The following CBLN2 variants were observed in gnomAD, a reference collection of about 807,000 sequenced individuals.
CBLN2 encodes cerebellin 2 precursor.
In CBLN2, 7 loss-of-function variants were observed where a neutral mutation model predicts 15.0. The ratio of observed to expected loss-of-function variants is 0.47; its 90% confidence interval spans 0.27 to 0.88. CBLN2 has a LOEUF of 0.88. Among genes scored for constraint, CBLN2 ranks in the 40% least tolerant of loss-of-function variants. CBLN2 has a pLI of 0.14. For missense variants in CBLN2, 242 were observed against 304.5 expected (o/e 0.79, Z 1.53); for synonymous variants, 149 against 135.2 (o/e 1.10, Z -0.71).
In CBLN2 at chr18:72,543,357, G is replaced by A. The variant is rs949472677; in HGVS notation, c.-167+129C>T. ...ATAAATATCCGCTGTCCGCAGCCCC[G>A]ATCCTACATGATTTCCCTTCTCTCT... On this transcript the variant is annotated intron_variant, in intron 2 of 4. Transcript: ENST00000269503. The surrounding 1 kb of genome is among the most constrained non-coding windows in gnomAD (Gnocchi z 6.8). The A allele has an allele frequency of 1.5e-4, 58 of 393,984 alleles. No homozygotes were observed. Among genetic ancestry groups the A allele is most frequent in the Middle Eastern group, 1.3e-3 (2 of 1,562 alleles). 24.4% of individuals were successfully genotyped at this position (393,984 alleles called of 1,614,324 possible). A position where few individuals can be genotyped will look rare whatever the true frequency, so the allele number is the denominator to read the frequency against.
In CBLN2 at chr18:72,577,609, T is replaced by A. The variant is rs970209832; in HGVS notation, c.16-38837A>T. On this transcript the variant is annotated intron_variant, in intron 1 of 2. Transcript: ENST00000581073. ...AATTAACACTTGCGTATTAACTATTTCTCAGATACAATTAGTCTCCATGGG... is the reference window on the plus strand; with the variant it reads ...AATTAACACTTGCGTATTAACTATTACTCAGATACAATTAGTCTCCATGGG... 2.0e-5 allele frequency among the ~76,000 whole-genome samples: 3 copies of A among 152,296 alleles called. No individual in the cohort carries two copies. The South Asian group carries it at 6.2e-4, about 32-fold the overall frequency.
intron 1 of CBLN2, among the ~76,000 whole-genome samples, chr18:72,569,856 A>G (rs1484212324): frequency 6.6e-6 from 1 of 152,178 alleles, no homozygotes; most frequent in Non-Finnish European, 1.5e-5. Flanking sequence ...TGGGGGTGAC[A>G]TTTCAACAAG....
chr18:72,561,243 CAAA>C (rs33954304), intron 1 of CBLN2, among the ~76,000 whole-genome samples: 16 of 124,974 alleles, frequency 1.3e-4, no homozygotes, highest in African/African-American at 4.5e-4. Flanking sequence ...AACAACAACC[CAAA>C]AAAAAAAAAA....
chr18:72,592,647 T>C (rs2069487372), intron 1 of CBLN2, among the ~76,000 whole-genome samples: 2 of 152,180 alleles, frequency 1.3e-5, no homozygotes, highest in South Asian at 4.1e-4. Context: ...AAGTCTTTAA[T>C]ACATTTTGAT....
intron 1 of CBLN2, among the ~76,000 whole-genome samples, chr18:72,605,131 C>T (rs1047492308): frequency 3.3e-5 from 5 of 152,158 alleles, no homozygotes; most frequent in Non-Finnish European, 7.3e-5. Context: ...TTCTTCCTCT[C>T]TTAAAATTTT....
chr18:72,633,632 C>G (rs1171704708), intron 1 of CBLN2, among the ~76,000 whole-genome samples: 1 of 152,122 alleles, frequency 6.6e-6, no homozygotes, highest in African/African-American at 2.4e-5. Context: ...GAAAAGTAAT[C>G]AGAACAGTTA....
At chr18:72,631,951 C>A (rs1303460173) in intron 1 of CBLN2, among the ~76,000 whole-genome samples, 1 of 151,902 alleles carries the variant, frequency 6.6e-6, no homozygotes, top group Non-Finnish European at 1.5e-5. Context: ...CTAAAATATG[C>A]CTTTTTGAAT....
intron 1 of CBLN2, among the ~76,000 whole-genome samples, chr18:72,555,850 A>T (rs1320737003): frequency 6.6e-6 from 1 of 152,192 alleles, no homozygotes; most frequent in Admixed American, 6.5e-5. Context: ...TCCCTGAACA[A>T]GTTCCCTCTG....
At chr18:72,593,103 G>T (rs1196431838) in intron 1 of CBLN2, among the ~76,000 whole-genome samples, 1 of 152,026 alleles carries the variant, frequency 6.6e-6, no homozygotes, top group East Asian at 1.9e-4. Context: ...TAACAATATT[G>T]ATTATTGCAA....
intron 1 of CBLN2, among the ~76,000 whole-genome samples, chr18:72,594,972 C>A (rs2069503534): frequency 6.7e-6 from 1 of 149,244 alleles, no homozygotes. Context: ...TTGAAAAACT[C>A]AATTTTTAAC....
intron 1 of CBLN2, among the ~76,000 whole-genome samples, chr18:72,579,402 A>C (rs1033272434): frequency 1.8e-4 from 28 of 152,156 alleles, no homozygotes; most frequent in African/African-American, 6.8e-4. Context: ...AGCAATTTCC[A>C]ATTTCAAAAA....
At chr18:72,602,005 C>T (rs111398007) in intron 1 of CBLN2, among the ~76,000 whole-genome samples, 3 of 152,074 alleles carry the variant, frequency 2.0e-5, no homozygotes, top group South Asian at 2.1e-4. Context: ...GGAAGTGCAC[C>T]GAAGCCTGGA....
chr18:72,590,514 T>C (rs1418299053), intron 1 of CBLN2, among the ~76,000 whole-genome samples: 1 of 152,132 alleles, frequency 6.6e-6, no homozygotes, highest in Non-Finnish European at 1.5e-5. Flanking sequence ...ATCATTGAAA[T>C]TGTATTTGTT....
intron 1 of CBLN2, among the ~76,000 whole-genome samples, chr18:72,572,811 T>C (rs1230782955): frequency 6.6e-6 from 1 of 152,088 alleles, no homozygotes; most frequent in Non-Finnish European, 1.5e-5. Flanking sequence ...ACAAGTTTTA[T>C]GTGTTCATTA....
chr18:72,574,090 G>A (rs1028693813), intron 1 of CBLN2, among the ~76,000 whole-genome samples: 1 of 152,162 alleles, frequency 6.6e-6, no homozygotes, highest in East Asian at 1.9e-4. Flanking sequence ...TTTCTTTGAT[G>A]AGGTGTCTGT....
At chr18:72,573,787 C>T (rs1227135073) in intron 1 of CBLN2, among the ~76,000 whole-genome samples, 1 of 152,126 alleles carries the variant, frequency 6.6e-6, no homozygotes, top group African/African-American at 2.4e-5. Context: ...TCTAGGTTTT[C>T]AAATCATTTG....
chr18:72,568,520 C>T (rs1489993893), intron 1 of CBLN2, among the ~76,000 whole-genome samples: 1 of 151,114 alleles, frequency 6.6e-6, no homozygotes, highest in Admixed American at 6.6e-5. Context: ...GCAAGCCAGT[C>T]TTTAAAGTAA....
At chr18:72,557,411 C>T (rs576047804) in intron 1 of CBLN2, among the ~76,000 whole-genome samples, 38 of 152,192 alleles carry the variant, frequency 2.5e-4, no homozygotes, top group Non-Finnish European at 4.3e-4. Context: ...AATGGGATTG[C>T]TGAGTCAAAT....
intron 1 of CBLN2, among the ~76,000 whole-genome samples, chr18:72,595,440 G>A (rs957744098): frequency 1.3e-5 from 2 of 152,050 alleles, no homozygotes; most frequent in African/African-American, 2.4e-5. Context: ...GTGGTCTAAT[G>A]TATAGTTTAT....
Sources: allele counts gnomAD v4.1 joint callset (sites outside exome capture counted in the v4.1 genomes callset), GRCh38; gene constraint gnomAD v4.1.1; non-coding constraint Gnocchi (gnomAD v3.1); transcripts MANE v1.5; gene names NCBI Gene and HGNC (gene_info 2026-07-23, HGNC 2026-07-21).